The following LRRC27 variants were observed in gnomAD, a reference collection of about 807,000 sequenced individuals.
LRRC27 encodes leucine-rich repeat-containing protein 27.
LRRC27 carries 57 observed loss-of-function variants against 55.0 expected under a neutral mutation model. The ratio of observed to expected loss-of-function variants is 1.04; its 90% CI spans 0.84 to 1.29. The LOEUF (loss-of-function observed/expected upper bound fraction) is 1.29, where lower values mean the gene tolerates loss of function less well. Among genes scored for constraint, LRRC27 ranks in the 50% most tolerant of loss-of-function variants. The pLI is 0.00. For missense variants in LRRC27, 721 were observed against 651.5 expected (o/e 1.11, Z -1.16); for synonymous variants, 278 against 251.9 (o/e 1.10, Z -0.98).
intron 7 of LRRC27, 72 bp downstream of exon 7, chr10:132,351,825 T>C: frequency 3.1e-5 from 47 of 1,502,012 alleles, no homozygotes; most frequent in Non-Finnish European, 4.1e-5. Context: ...GCTGTGATTT[T>C]ATGGCAGGCC....
intron 10 of LRRC27, among the ~76,000 whole-genome samples, chr10:132,367,913 A>G (rs1288705882): frequency 2.0e-5 from 3 of 152,266 alleles, no homozygotes; most frequent in African/African-American, 7.2e-5. Flanking sequence ...GAAACAAGAA[A>G]TAAAATTGTC....
intron 10 of LRRC27, among the ~76,000 whole-genome samples, chr10:132,368,131 A>C (rs1295041952): frequency 1.3e-5 from 2 of 152,224 alleles, no homozygotes; most frequent in Non-Finnish European, 2.9e-5. Context: ...GTACTAAGTA[A>C]AAATCTAACA....
chr10:132,375,385 C>A lies in LRRC27; in HGVS notation c.*143C>A. On this transcript the variant is annotated 3_prime_UTR_variant, in exon 11 of 11. Transcript: ENST00000368614. Reference sequence around the variant, plus strand: ...CTGATTTCGCGCAGCCTGTTGTTTTCCTTAGACAGGTCCACGTCCCTCTCC... The same window carrying A: ...CTGATTTCGCGCAGCCTGTTGTTTTACTTAGACAGGTCCACGTCCCTCTCC... 1.5e-6 allele frequency: 1 copy of A among 686,126 alleles called. No homozygotes were observed. The highest frequency in any genetic ancestry group is 2.4e-6 in the Non-Finnish European group (1 of 418,352). The allele number at this position is 686,126 out of a possible 1,614,324, so 42.5% of individuals were successfully genotyped here.
intron 7 of LRRC27, among the ~76,000 whole-genome samples, chr10:132,354,494 TGGGGCTG>T (rs1203884694): frequency 8.6e-5 from 13 of 152,020 alleles, no homozygotes; most frequent in East Asian, 1.9e-4. Flanking sequence ...CCACCCTGGC[TGGGGCTG>T]GGGGCTGGGG....
rs376195660 is a variant in LRRC27 at position 132,351,746 on chromosome 10, C to G, written c.1066C>G (p.Gln356Glu). 1.2e-6 allele frequency: 2 copies of G among 1,612,054 alleles called. No individual in the cohort carries two copies. Among genetic ancestry groups the G allele is most frequent in the Non-Finnish European group, 1.7e-6 (2 of 1,179,296 alleles). The change falls in exon 7 of 11, where the codon CAG becomes GAG. Residue 356 changes from glutamine to glutamate, a missense_variant. Coordinates refer to ENST00000368614, the MANE Select transcript of LRRC27 (RefSeq NM_030626.3). ...LQEKQALMEQ[Q>E]RREKRALQEW... ...GGAGAAGCAGGCTCTGATGGAGCAG[C>G]AGAGACGGTGAGTCCACACAGGGTG...
chr10:132,351,815 G>A lies in LRRC27; in HGVS notation c.1073+62G>A, dbSNP rs980757482. 37 of 1,531,648 alleles carry A rather than the reference G, an allele frequency of 2.4e-5. No individual in the cohort carries two copies. The African/African-American group carries it at 3.9e-4, about 16-fold the overall frequency. The allele number at this position is 1,531,648 out of a possible 1,614,324, so 94.9% of individuals were successfully genotyped here. On this transcript the variant is annotated intron_variant, in intron 7 of 10. Coordinates refer to ENST00000368614, the MANE Select transcript of LRRC27 (RefSeq NM_030626.3). ...CCAGTGCACCCGGAACTGGGACTGG[G>A]CTGTGATTTTATGGCAGGCCTCGTG...
chr10:132,349,654 T>C (rs926830785), intron 6 of LRRC27, among the ~76,000 whole-genome samples: 1 of 152,256 alleles, frequency 6.6e-6, no homozygotes, highest in African/African-American at 2.4e-5. Flanking sequence ...GGTATGCTTA[T>C]TAATCGTACT....
chr10:132,342,353 G>T, intron 4 of LRRC27, 82 bp downstream of exon 4: 1 of 876,314 alleles, frequency 1.1e-6, no homozygotes, highest in South Asian at 1.6e-5. Flanking sequence ...TATCAGGCAT[G>T]ACAAAGGAGG....
rs1470846850 is a variant in LRRC27, at chr10:132,376,391, A to G, written c.*1149A>G. 1 of 152,258 alleles carries G rather than the reference A, an allele frequency of 6.6e-6. No homozygotes were observed. Among genetic ancestry groups the G allele is most frequent in the East Asian group, 1.9e-4 (1 of 5,200 alleles). The allele number at this position is 152,258 out of a possible 1,614,324, so 9.4% of individuals were successfully genotyped here. ...ATTAGAGAAGAAGGGCGTGAAATTT[A>G]TCACCTAAGCTTTCCATTCAGGAAG... On this transcript the variant is annotated 3_prime_UTR_variant, in exon 11 of 11. Coordinates refer to ENST00000368614, the MANE Select transcript of LRRC27 (RefSeq NM_030626.3).
At chr10:132,361,702 G>T in intron 9 of LRRC27, 127 bp downstream of exon 9, 2 of 697,976 alleles carry the variant, frequency 2.9e-6, no homozygotes, top group South Asian at 1.7e-5. Flanking sequence ...CGGGCCCCAG[G>T]CTGTGGCGGG....
rs966248090 is a variant in LRRC27, at chr10:132,380,985, C to T, written c.*5743C>T. The stretch of plus-strand genomic sequence containing the variant: ...ACCTTTTTATCTTGTATTGGGAATG[C>T]AGCTTTTATGTGGGTATAGGATTGC... On this transcript the variant is annotated 3_prime_UTR_variant, in exon 11 of 11. Coordinates refer to ENST00000368614, the MANE Select transcript of LRRC27 (RefSeq NM_030626.3). Among the ~76,000 whole-genome samples the T allele has an allele frequency of 6.6e-6, 1 of 152,188 alleles. No individual in the cohort carries two copies. The highest frequency in any genetic ancestry group is 1.5e-5 in the Non-Finnish European group (1 of 68,034).
At chr10:132,331,713 G>T (rs747049104), upstream of LRRC27, 1 of 1,612,622 alleles carries the variant, frequency 6.2e-7, no homozygotes, top group African/African-American at 1.3e-5. Flanking sequence ...CGGGCCCTCC[G>T]GCTCCCCAGA....
rs777549808 is a variant in LRRC27 at position 132,336,826 on chromosome 10, A to G, written c.211-739A>G. On this transcript the variant is annotated intron_variant, in intron 2 of 10. Transcript: ENST00000368614. ...AGATATGGATATAAATACATATAAT[A>G]ATGTGAGTATAAACAACTAGCAGCA... The G allele has an allele frequency of 2.0e-5, 15 of 760,494 alleles. No individual in the cohort carries two copies. In the African/African-American group the frequency reaches 2.4e-4, roughly 12 times the overall value. 47.1% of individuals were successfully genotyped at this position (760,494 alleles called of 1,614,324 possible).
At chr10:132,337,050 G>C (rs925592793) in intron 2 of LRRC27, 20 of 1,295,004 alleles carry the variant, frequency 1.5e-5, no homozygotes, top group Non-Finnish European at 1.9e-5. Context: ...CTGAGGCTTT[G>C]TTTGCTGCTG....
At chr10:132,355,182 TCTC>T (rs1021146842) in intron 7 of LRRC27, among the ~76,000 whole-genome samples, 1 of 152,152 alleles carries the variant, frequency 6.6e-6, no homozygotes, top group Non-Finnish European at 1.5e-5. Context: ...TTCAAGCAAT[TCTC>T]CTGCCTCAGC....
At chr10:132,362,136 AC>A (rs1420288435) in intron 9 of LRRC27, among the ~76,000 whole-genome samples, 1 of 152,142 alleles carries the variant, frequency 6.6e-6, no homozygotes, top group African/African-American at 2.4e-5. Flanking sequence ...AACAGCCAGA[AC>A]CGAGAAGCTG....
Position 132,375,040 on chromosome 10 carries a change from A to C in LRRC27, c.1417-26A>C, listed in dbSNP as rs201109163. The stretch of plus-strand genomic sequence containing the variant: ...CCTAAGTCCTGCCAGCCTTTCTAAC[A>C]TCTCCCCCTCCTTGTCTCCCATAAG... On this transcript the variant is annotated intron_variant, in intron 10 of 10. Transcript: ENST00000368614. 3.8e-6 allele frequency: 6 copies of C among 1,592,996 alleles called. No homozygotes were observed. The African/African-American group carries it at 4.0e-5, about 11-fold the overall frequency.
chr10:132,351,421 A>G (rs2068003963), intron 6 of LRRC27, 186 bp from the exon 7 acceptor site: 1 of 686,826 alleles, frequency 1.5e-6, no homozygotes, highest in Admixed American at 2.4e-5. Context: ...CCATCCACAC[A>G]TCTTCATTAC....
intron 2 of LRRC27, chr10:132,335,222 A>C (rs966636267): frequency 2.6e-5 from 4 of 152,248 alleles, no homozygotes; most frequent in African/African-American, 9.7e-5. Context: ...GCAGGGTTAC[A>C]ACAAGCCATT....
Sources: gnomAD v4.1 joint callset for allele counts (sites outside exome capture counted in the v4.1 genomes callset) on GRCh38, gnomAD v4.1.1 for gene constraint, MANE v1.5 for transcripts, NCBI Gene and HGNC (gene_info 2026-07-23, HGNC 2026-07-21) for gene names.